Variants in FBXW2 observed in about 807,000 individuals in gnomAD.
FBXW2 encodes F-box and WD repeat domain containing 2.
FBXW2 carries 12 observed loss-of-function variants against 46.0 expected under a neutral mutation model. The observed-to-expected ratio is 0.26, with a 90% CI of 0.17 to 0.42. FBXW2 has a LOEUF of 0.42. FBXW2 is among the 10% of genes least tolerant of loss of function. The pLI is 1.00. For synonymous variants in FBXW2, 203 were observed against 209.6 expected (o/e 0.97, Z 0.27); for missense variants, 360 against 537.0 (o/e 0.67, Z 3.26).
chr9:120,763,343 G>C lies in FBXW2; in HGVS notation c.*1216C>G, dbSNP rs2044224042. 2.0e-5 allele frequency: 3 copies of C among 152,308 alleles called. No individual in the cohort carries two copies. The South Asian group carries it at 6.2e-4, about 32-fold the overall frequency. 9.4% of individuals were successfully genotyped at this position (152,308 alleles called of 1,614,324 possible). On this transcript the variant is annotated 3_prime_UTR_variant, in exon 8 of 8. Transcript: ENST00000608872. Reference sequence around the variant, plus strand: ...TCTAGGACAATTCCCTCACTTAAAAGATGAAGAAAATGATGGTCTTAGAAG... The same window carrying C: ...TCTAGGACAATTCCCTCACTTAAAACATGAAGAAAATGATGGTCTTAGAAG...
rs897605054 is a variant in FBXW2 at position 120,764,189 on chromosome 9, A to G, written c.*370T>C. The G allele has an allele frequency of 2.5e-6, 1 of 398,552 alleles. No homozygotes were observed. The highest frequency in any genetic ancestry group is 4.4e-6 in the Non-Finnish European group (1 of 226,230). 24.7% of individuals were successfully genotyped at this position (398,552 alleles called of 1,614,324 possible). A position where few individuals can be genotyped will look rare whatever the true frequency, so the allele number is the denominator to read the frequency against. On this transcript the variant is annotated 3_prime_UTR_variant, in exon 8 of 8. Transcript: ENST00000608872. ...AAAAAGGCTATGGTAAAAAGCTTTA[A>G]TAACAGACAATGTGATTTCATAGGC...
intron 2 of FBXW2, 33 bp from the exon 3 acceptor site, chr9:120,788,311 C>T (rs2044764782): frequency 1.3e-6 from 2 of 1,569,752 alleles, no homozygotes; most frequent in Non-Finnish European, 8.6e-7. Context: ...ATTAGTTCTG[C>T]TCAAAAAGAC....
intron 2 of FBXW2, among the ~76,000 whole-genome samples, chr9:120,788,801 A>G (rs1453827143): frequency 6.6e-6 from 1 of 152,224 alleles, no homozygotes; most frequent in Non-Finnish European, 1.5e-5. Context: ...CCTGTCACCA[A>G]AATCATAGAA....
chr9:120,760,151 G>GT lies in FBXW2; in HGVS notation c.*4407dup, dbSNP rs2044175229. 1 of 152,306 alleles carries GT rather than the reference G, an allele frequency of 6.6e-6. No individual in the cohort carries two copies. The highest frequency in any genetic ancestry group is 6.5e-5 in the Admixed American group (1 of 15,282). The allele number at this position is 152,306 out of a possible 1,614,324, so 9.4% of individuals were successfully genotyped here. A position where few individuals can be genotyped will look rare whatever the true frequency, so the allele number is the denominator to read the frequency against. Reference sequence around the variant, plus strand: ...ACCAGCGTAACCAGGTAGGAGGGCTGTGTCAAGAAGACGGACCTAAAGGGC... The same window carrying GT: ...ACCAGCGTAACCAGGTAGGAGGGCTGTTGTCAAGAAGACGGACCTAAAGGGC... On this transcript the variant is annotated 3_prime_UTR_variant, in exon 8 of 8. Coordinates refer to ENST00000608872, the MANE Select transcript of FBXW2 (RefSeq NM_012164.4).
intron 3 of FBXW2, among the ~76,000 whole-genome samples, chr9:120,779,675 T>A (rs1256194632): frequency 6.6e-6 from 1 of 152,332 alleles, no homozygotes; most frequent in African/African-American, 2.4e-5. Flanking sequence ...GGCAGGTCCC[T>A]ATTTTCAGAG....
intron 5 of FBXW2, among the ~76,000 whole-genome samples, chr9:120,775,551 G>A (rs146949023): frequency 3.3e-5 from 5 of 152,186 alleles, no homozygotes; most frequent in East Asian, 1.9e-4. Flanking sequence ...GTGCTTCTGC[G>A]TGGTATATCC....
At chr9:120,767,843 G>A (rs1463377065) in intron 7 of FBXW2, among the ~76,000 whole-genome samples, 1 of 152,072 alleles carries the variant, frequency 6.6e-6, no homozygotes, top group Non-Finnish European at 1.5e-5. Context: ...TTGATTTTAT[G>A]CCCTAAATTT....
chr9:120,773,080 G>A (rs1257203378), intron 5 of FBXW2, among the ~76,000 whole-genome samples: 2 of 151,980 alleles, frequency 1.3e-5, no homozygotes, highest in Admixed American at 6.6e-5. Flanking sequence ...CCAGTGACTC[G>A]GAAGGCTGAG....
At position 120,771,206 on chromosome 9, in the gene FBXW2, T is replaced by C. The variant is rs527242710; in HGVS notation, c.1076+142A>G. 3.8e-4 allele frequency: 261 copies of C among 685,074 alleles called. 3 individuals are homozygous for C. The South Asian group carries it at 5.2e-3, about 14-fold the overall frequency. 42.4% of individuals were successfully genotyped at this position (685,074 alleles called of 1,614,324 possible). On this transcript the variant is annotated intron_variant, in intron 7 of 7. Coordinates refer to ENST00000608872, the MANE Select transcript of FBXW2 (RefSeq NM_012164.4). Reference sequence around the variant, plus strand: ...TTTCCTGTCTGAGATGTTCAGTATATATAACCCTGTTTACAAGTGATACAG... The same window carrying C: ...TTTCCTGTCTGAGATGTTCAGTATACATAACCCTGTTTACAAGTGATACAG...
At chr9:120,778,300 CTTA>C (rs757964455) in intron 4 of FBXW2, 48 bp downstream of exon 4, 2 of 1,479,344 alleles carry the variant, frequency 1.4e-6, no homozygotes, top group South Asian at 2.6e-5. Context: ...TGGCTCCTGG[CTTA>C]AAAGGATGAG....
In FBXW2 at chr9:120,792,727, C is replaced by T. The variant is rs540298995; in HGVS notation, c.-21+422G>A. ...TGTAAAATACAGCCAAGAGCATTAC[C>T]TACAAGGGTTTTTATGAGGGTTAAA... On this transcript the variant is annotated intron_variant, in intron 2 of 7. Transcript: ENST00000608872. 5.5e-3 allele frequency among the ~76,000 whole-genome samples: 839 copies of T among 152,276 alleles called. 11 individuals are homozygous for T. Among genetic ancestry groups the T allele is most frequent in the African/African-American group, 0.019 (791 of 41,550 alleles).
At chr9:120,792,789 G>A in intron 2 of FBXW2, 2 of 1,035,366 alleles carry the variant, frequency 1.9e-6, no homozygotes, top group Admixed American at 4.7e-5. Context: ...CACAGTACTC[G>A]GCACGCTGTA....
chr9:120,792,832 T>C, intron 2 of FBXW2: 3 of 1,366,586 alleles, frequency 2.2e-6, no homozygotes, highest in Non-Finnish European at 2.9e-6. Context: ...CCATTATTAC[T>C]TAGCATTAAT....
Position 120,761,882 on chromosome 9 carries a change from T to C in FBXW2, c.*2677A>G, listed in dbSNP as rs1485044008. On this transcript the variant is annotated 3_prime_UTR_variant, in exon 8 of 8. Coordinates refer to ENST00000608872, the MANE Select transcript of FBXW2 (RefSeq NM_012164.4). ...CTGTATTCACCACTAAAAACTGAAA[T>C]AGAACATACTATATACAGCTTCAAG... 1 of 152,064 alleles carries C rather than the reference T, an allele frequency of 6.6e-6. No homozygotes were observed. Among genetic ancestry groups the C allele is most frequent in the African/African-American group, 2.4e-5 (1 of 41,402 alleles). The allele number at this position is 152,064 out of a possible 1,614,324, so 9.4% of individuals were successfully genotyped here.
At chr9:120,792,845 T>C in intron 2 of FBXW2, 1 of 1,428,270 alleles carries the variant, frequency 7.0e-7, no homozygotes, top group East Asian at 3.1e-5. Context: ...GCATTAATAT[T>C]GTTATCTTTG....
In FBXW2 at chr9:120,773,194, A is replaced by G. The variant is rs553985438; in HGVS notation, c.820-354T>C. ...AGAGCAAGACCACAACGCTTAAAAA[A>G]AAAAAAAAACAGTCTAAACATTGGC... On this transcript the variant is annotated intron_variant, in intron 5 of 7. Coordinates refer to ENST00000608872, the MANE Select transcript of FBXW2 (RefSeq NM_012164.4). Among the ~76,000 whole-genome samples the G allele has an allele frequency of 5.9e-5, 9 of 152,306 alleles. No individual in the cohort carries two copies. The East Asian group carries it at 1.7e-3, about 29-fold the overall frequency.
At chr9:120,783,001 GTGATGAC>G (rs2044648514) in intron 3 of FBXW2, among the ~76,000 whole-genome samples, 1 of 152,102 alleles carries the variant, frequency 6.6e-6, no homozygotes, top group South Asian at 2.1e-4. Context: ...ATGGATAGTG[GTGATGAC>G]TGCACAACAA....
At chr9:120,788,803 A>G (rs1588051863) in intron 2 of FBXW2, among the ~76,000 whole-genome samples, 1 of 152,214 alleles carries the variant, frequency 6.6e-6, no homozygotes, top group East Asian at 1.9e-4. Flanking sequence ...TGTCACCAAA[A>G]TCATAGAACT....
rs1201778186 is a variant in FBXW2, at chr9:120,793,415, C to G, written c.-191G>C. On this transcript the variant is annotated 5_prime_UTR_variant, in exon 1 of 8. Transcript: ENST00000608872. ...ACAGGGGAGCGGCTTCCGGTGCTGC[C>G]TGCGTCATCTCCGCGCGTCCCTCAG... 1 of 398,554 alleles carries G rather than the reference C, an allele frequency of 2.5e-6. No individual in the cohort carries two copies. Among genetic ancestry groups the G allele is most frequent in the East Asian group, 3.6e-5 (1 of 28,078 alleles). The allele number at this position is 398,554 out of a possible 1,614,324, so 24.7% of individuals were successfully genotyped here.
Sources: gnomAD v4.1 joint callset for allele counts (sites outside exome capture counted in the v4.1 genomes callset) on GRCh38, gnomAD v4.1.1 for gene constraint, MANE v1.5 for transcripts, NCBI Gene and HGNC (gene_info 2026-07-23, HGNC 2026-07-21) for gene names.